Variants in RAD51B observed in about 807,000 individuals in gnomAD.
RAD51B encodes RAD51 paralog B, also known as DNA repair protein RAD51 homolog 2.
Under a neutral mutation model 42.2 loss-of-function variants are expected in RAD51B, and 38 were observed. That is an observed-to-expected ratio of 0.90 (90% CI 0.70 to 1.18). The LOEUF is 1.18. Ranked by LOEUF, RAD51B falls within the 50% of genes most tolerant of loss-of-function variation. The pLI, the probability that RAD51B is intolerant of heterozygous loss-of-function variation, is 0.00. For missense variants in RAD51B, 373 were observed against 400.7 expected, an observed-to-expected ratio of 0.93 and a Z score of 0.59; for synonymous variants, 154 against 145.2, an observed-to-expected ratio of 1.06 and a Z score of -0.43.
intron 8 of RAD51B, among the ~76,000 whole-genome samples, chr14:68,406,559 G>A (rs2084280734): frequency 6.6e-6 from 1 of 152,164 alleles, no homozygotes. Flanking sequence ...GTTGGTGAGT[G>A]CACCTACTGA....
chr14:67,951,899 A>G (rs1020798425), intron 7 of RAD51B, among the ~76,000 whole-genome samples: 68 of 152,166 alleles, frequency 4.5e-4, no homozygotes, highest in Non-Finnish European at 6.5e-4. Context: ...ACATTCCTGG[A>G]CCTCCTGTTA....
chr14:68,484,573 G>A (rs1024375497), intron 10 of RAD51B, among the ~76,000 whole-genome samples: 8 of 151,972 alleles, frequency 5.3e-5, no homozygotes, highest in Non-Finnish European at 1.0e-4. Context: ...TAGCCAGGAC[G>A]GTCTTGATCT....
intron 7 of RAD51B, among the ~76,000 whole-genome samples, chr14:68,275,335 T>C (rs1267189520): frequency 6.6e-6 from 1 of 152,204 alleles, no homozygotes; most frequent in Non-Finnish European, 1.5e-5. Context: ...AAAATTTTTA[T>C]TTGAACCTCT....
At chr14:67,828,002 C>A (rs1350893280) in intron 3 of RAD51B, among the ~76,000 whole-genome samples, 2 of 152,088 alleles carry the variant, frequency 1.3e-5, no homozygotes, top group Non-Finnish European at 2.9e-5. Context: ...TGGGTATATA[C>A]CTGGTAACGG....
intron 7 of RAD51B, among the ~76,000 whole-genome samples, chr14:68,215,167 T>C (rs1282622368): frequency 6.6e-6 from 1 of 152,208 alleles, no homozygotes; most frequent in African/African-American, 2.4e-5. Context: ...GCCTTTTATA[T>C]TTTACAAAGT....
rs963038768 is a variant in RAD51B at position 67,879,193 on chromosome 14, G to C, written c.453-6676G>C. Among the ~76,000 whole-genome samples, 3 of 152,244 alleles carry C rather than the reference G, an allele frequency of 2.0e-5. No homozygotes were observed. The South Asian group carries it at 6.2e-4, about 31-fold the overall frequency. ...CTCTCAGGCAAGGGCCTAAGCTGTA[G>C]TCCATAGGTGGAATTTCATCTTTTT... On this transcript the variant is annotated intron_variant, in intron 5 of 10. Coordinates refer to ENST00000471583, the MANE Select transcript of RAD51B (RefSeq NM_133510.4).
chr14:67,897,608 A>T (rs1381468233), intron 7 of RAD51B, among the ~76,000 whole-genome samples: 2 of 152,018 alleles, frequency 1.3e-5, no homozygotes, highest in Non-Finnish European at 2.9e-5. Flanking sequence ...CACAAAAGAT[A>T]GTAGGAGTGG....
At chr14:68,339,365 C>A in intron 8 of RAD51B, 2 of 1,029,136 alleles carry the variant, frequency 1.9e-6, no homozygotes, top group Non-Finnish European at 3.0e-6. Context: ...GGGGCCATTT[C>A]ACAAAGCGGG....
chr14:68,531,898 G>A (rs1419818684), intron 10 of RAD51B, among the ~76,000 whole-genome samples: 1 of 152,138 alleles, frequency 6.6e-6, no homozygotes, highest in Non-Finnish European at 1.5e-5. Flanking sequence ...AGGGAGAATT[G>A]CTTGAGCCTG....
At chr14:68,180,473 T>C (rs1050893623) in intron 7 of RAD51B, among the ~76,000 whole-genome samples, 2 of 152,152 alleles carry the variant, frequency 1.3e-5, no homozygotes, top group Admixed American at 6.5e-5. Flanking sequence ...AATGAAAAAG[T>C]ATCATCATGA....
chr14:68,228,895 C>T (rs1310558273), intron 7 of RAD51B, among the ~76,000 whole-genome samples: 2 of 152,168 alleles, frequency 1.3e-5, no homozygotes, highest in Non-Finnish European at 2.9e-5. Flanking sequence ...TTGCAGCTTC[C>T]TATAGACTGT....
At chr14:68,232,743 A>G (rs1435003706) in intron 7 of RAD51B, among the ~76,000 whole-genome samples, 2 of 152,324 alleles carry the variant, frequency 1.3e-5, no homozygotes, top group East Asian at 3.9e-4. Flanking sequence ...AAGCCAGCCA[A>G]ATGTTTTCAA....
chr14:68,554,348 A>G (rs1888721608), intron 10 of RAD51B, among the ~76,000 whole-genome samples: 1 of 152,220 alleles, frequency 6.6e-6, no homozygotes, highest in Non-Finnish European at 1.5e-5. Flanking sequence ...TCCTGGGTGT[A>G]AAGAGTGGTC....
chr14:68,598,534 A>T (rs564454914), downstream of RAD51B, among the ~76,000 whole-genome samples: 26 of 152,380 alleles, frequency 1.7e-4, 1 homozygote, highest in African/African-American at 5.5e-4. Context: ...TTTAGTGTGT[A>T]GCAGATCCAG....
chr14:68,313,666 CTCAGGACCACATG>C (rs2082004130), intron 8 of RAD51B, among the ~76,000 whole-genome samples: 1 of 152,176 alleles, frequency 6.6e-6, no homozygotes, highest in South Asian at 2.1e-4. Context: ...TACCTTGGCA[CTCAGGACCACATG>C]TCATCCTATC....
intron 7 of RAD51B, among the ~76,000 whole-genome samples, chr14:68,190,855 T>G (rs2079251559): frequency 6.6e-6 from 1 of 152,196 alleles, no homozygotes; most frequent in South Asian, 2.1e-4. Context: ...TTTTATCCCA[T>G]TGATTTAAAT....
intron 7 of RAD51B, among the ~76,000 whole-genome samples, chr14:67,896,791 T>A (rs1481550653): frequency 6.6e-6 from 1 of 152,208 alleles, no homozygotes; most frequent in Non-Finnish European, 1.5e-5. Flanking sequence ...GTTAATACAG[T>A]ACAGTTAATA....
chr14:68,509,342 G>A (rs36028293), intron 10 of RAD51B, among the ~76,000 whole-genome samples: 27,364 of 152,264 alleles, frequency 0.18, 3,168 homozygotes, highest in Non-Finnish European at 0.26. Context: ...CATGGACAGA[G>A]GACCATGCTG....
intron 10 of RAD51B, among the ~76,000 whole-genome samples, chr14:68,490,415 A>C (rs1883972282): frequency 6.6e-6 from 1 of 152,232 alleles, no homozygotes; most frequent in Non-Finnish European, 1.5e-5. Context: ...AATGTTGGTC[A>C]CTAAAATTGA....
Sources: gnomAD v4.1 joint callset for allele counts (sites outside exome capture counted in the v4.1 genomes callset) on GRCh38, gnomAD v4.1.1 for gene constraint, MANE v1.5 for transcripts, NCBI Gene and HGNC (gene_info 2026-07-23, HGNC 2026-07-21) for gene names.